Variants in HTR2C observed in about 807,000 individuals in gnomAD.
HTR2C encodes 5-hydroxytryptamine (serotonin) receptor 2C, G protein-coupled.
A neutral mutation model predicts 21.0 loss-of-function variants in HTR2C; 5 were observed. That is an observed-to-expected ratio of 0.24 (90% confidence interval 0.12 to 0.50). HTR2C has a LOEUF of 0.50. HTR2C is among the 20% of genes least tolerant of loss of function. The pLI, the probability that HTR2C is intolerant of heterozygous loss-of-function variation, is 0.98. For missense variants in HTR2C, 271 were observed against 371.2 expected (o/e 0.73, Z 2.22); for synonymous variants, 150 against 145.3 (o/e 1.03, Z -0.23).
intron 2 of HTR2C, among the ~76,000 whole-genome samples, chrX:114,725,444 C>G (rs1225109464): frequency 8.0e-4 from 89 of 111,056 alleles, no homozygotes; most frequent in Non-Finnish European, 1.4e-3. Flanking sequence ...TTTTCATCTT[C>G]TTTGCCTTTG....
chrX:114,756,744 A>C (rs2069817361), intron 4 of HTR2C, among the ~76,000 whole-genome samples: 1 of 111,854 alleles, frequency 8.9e-6, no homozygotes, highest in Non-Finnish European at 1.9e-5. Flanking sequence ...GGTGATGTTA[A>C]TGTTCTGCCA....
At chrX:114,866,161 T>C (rs2071044205) in intron 5 of HTR2C, among the ~76,000 whole-genome samples, 1 of 111,511 alleles carries the variant, frequency 9.0e-6, no homozygotes, top group African/African-American at 3.3e-5. Flanking sequence ...GACTTAACCT[T>C]AAATTTCTTA....
intron 5 of HTR2C, among the ~76,000 whole-genome samples, chrX:114,875,147 G>A (rs782520529): frequency 6.3e-5 from 7 of 110,830 alleles, no homozygotes; most frequent in African/African-American, 2.3e-4. Context: ...AAGAGGTAAG[G>A]GTTTCTCTGG....
chrX:114,694,490 T>TACACAC (rs1932211958), intron 2 of HTR2C, among the ~76,000 whole-genome samples: 1 of 92,589 alleles, frequency 1.1e-5, no homozygotes, highest in African/African-American at 4.9e-5. Context: ...TATATATATA[T>TACACAC]ATACACACAC....
chrX:114,827,471 T>C (rs933415736), intron 4 of HTR2C, among the ~76,000 whole-genome samples: 1 of 111,452 alleles, frequency 9.0e-6, no homozygotes, highest in Non-Finnish European at 1.9e-5. Flanking sequence ...GAGAATCATA[T>C]GTATTTTAAA....
At chrX:114,717,648 T>A (rs1933032033) in intron 2 of HTR2C, 1 of 111,752 alleles carries the variant, frequency 8.9e-6, no homozygotes, top group Admixed American at 9.6e-5. Context: ...ACACGACCAA[T>A]CTTTCTTCAG....
chrX:114,645,220 G>A (rs1006818085), intron 2 of HTR2C, among the ~76,000 whole-genome samples: 2 of 110,463 alleles, frequency 1.8e-5, no homozygotes, highest in Non-Finnish European at 3.8e-5. Flanking sequence ...AAAAAAATAC[G>A]TAACATTGAA....
At chrX:114,808,789 C>A (rs900897114) in intron 4 of HTR2C, among the ~76,000 whole-genome samples, 6 of 111,761 alleles carry the variant, frequency 5.4e-5, no homozygotes, top group Non-Finnish European at 9.4e-5. Context: ...CTATTCAAAT[C>A]TTTTGCGCAT....
At chrX:114,842,152 G>T (rs782547273) in intron 4 of HTR2C, among the ~76,000 whole-genome samples, 240 of 112,349 alleles carry the variant, frequency 2.1e-3, no homozygotes, top group Non-Finnish European at 4.1e-3. Context: ...CCACTGCTTT[G>T]CAGTAAGGGA....
intron 5 of HTR2C, among the ~76,000 whole-genome samples, chrX:114,880,333 TATA>T (rs2071171599): frequency 9.0e-6 from 1 of 110,950 alleles, no homozygotes; most frequent in Non-Finnish European, 1.9e-5. Context: ...TTTTAAATAC[TATA>T]ATGTTTTCAA....
intron 4 of HTR2C, among the ~76,000 whole-genome samples, chrX:114,793,938 TG>T (rs1280463553): frequency 1.8e-5 from 2 of 110,021 alleles, no homozygotes; most frequent in African/African-American, 3.3e-5. Flanking sequence ...GTGAGTGCTA[TG>T]AAAAAAAATA....
intron 4 of HTR2C, among the ~76,000 whole-genome samples, chrX:114,784,373 T>C (rs782051715): frequency 7.2e-5 from 8 of 111,628 alleles, no homozygotes; most frequent in Non-Finnish European, 1.3e-4. Flanking sequence ...CTGGCAGTCG[T>C]AGCTTGTGAG....
chrX:114,692,612 TA>T (rs1932140576), intron 2 of HTR2C, among the ~76,000 whole-genome samples: 1 of 110,743 alleles, frequency 9.0e-6, no homozygotes, highest in African/African-American at 3.3e-5. Flanking sequence ...TCTATTACTG[TA>T]TGGGGTGATT....
At chrX:114,656,233 T>G (rs1930776904) in intron 2 of HTR2C, among the ~76,000 whole-genome samples, 1 of 111,151 alleles carries the variant, frequency 9.0e-6, no homozygotes. Context: ...ATTATATAAC[T>G]AGGGAAATTA....
At chrX:114,761,438 A>G (rs1428411783) in intron 4 of HTR2C, among the ~76,000 whole-genome samples, 2 of 111,448 alleles carry the variant, frequency 1.8e-5, no homozygotes, top group African/African-American at 3.3e-5. Context: ...AAGGGAGAGA[A>G]CTAAAATTGT....
At chrX:114,848,625 T>A (rs2070891738) in intron 5 of HTR2C, among the ~76,000 whole-genome samples, 1 of 111,463 alleles carries the variant, frequency 9.0e-6, no homozygotes, top group African/African-American at 3.2e-5. Context: ...TATTCTAAAT[T>A]CCTATCCTTT....
At chrX:114,815,872 A>G (rs781891973) in intron 4 of HTR2C, among the ~76,000 whole-genome samples, 2 of 110,973 alleles carry the variant, frequency 1.8e-5, no homozygotes, top group Non-Finnish European at 3.8e-5. Context: ...TCTCAATGTA[A>G]AGTTCTTCCT....
intron 5 of HTR2C, among the ~76,000 whole-genome samples, chrX:114,885,579 TTTTTAATATTTTAAA>T (rs2071214120): frequency 8.9e-6 from 1 of 112,092 alleles, no homozygotes; most frequent in Non-Finnish European, 1.9e-5. Flanking sequence ...TTAATTTTAA[TTTTTAATATTTTAAA>T]AGAAAGAATT....
In HTR2C at chrX:114,835,534, C is replaced by T. The variant is rs868974589; in HGVS notation, c.350-12469C>T. ...GCTTCTGCATTCTTCAGGTAGTTCT[C>T]GAGCCTTGGTTTTCAGTTCCATCAG... On this transcript the variant is annotated intron_variant, in intron 4 of 5. Coordinates refer to ENST00000276198, the MANE Select transcript of HTR2C (RefSeq NM_000868.4). Among the ~76,000 whole-genome samples, 1,006 of 110,320 alleles carry T rather than the reference C, an allele frequency of 9.1e-3. 5 individuals are homozygous for T. Among genetic ancestry groups the T allele is most frequent in the Middle Eastern group, 0.014 (3 of 216 alleles).
Sources: gnomAD v4.1 joint callset for allele counts (sites outside exome capture counted in the v4.1 genomes callset) on GRCh38, gnomAD v4.1.1 for gene constraint, MANE v1.5 for transcripts, NCBI Gene and HGNC (gene_info 2026-07-23, HGNC 2026-07-21) for gene names.